The following MAP2K5 variants were observed in gnomAD, a reference collection of about 807,000 sequenced individuals.
The protein encoded by MAP2K5 is dual specificity mitogen-activated protein kinase kinase 5.
Under a neutral mutation model 83.1 loss-of-function variants are expected in MAP2K5, and 49 were observed. That is an observed-to-expected ratio of 0.59 (90% CI 0.47 to 0.75). The LOEUF (loss-of-function observed/expected upper bound fraction) is 0.75, where lower values mean the gene tolerates loss of function less well. MAP2K5 is among the 30% of genes least tolerant of loss of function. The pLI is 0.00. For synonymous variants in MAP2K5, 202 were observed against 191.8 expected, an observed-to-expected ratio of 1.05 and a Z score of -0.44; for missense variants, 457 against 557.5, an observed-to-expected ratio of 0.82 and a Z score of 1.82.
chr15:67,614,195 C>A lies in MAP2K5; in HGVS notation c.545+13446C>A, dbSNP rs567829440. Among the ~76,000 whole-genome samples the A allele has an allele frequency of 7.2e-5, 11 of 152,268 alleles. No individual in the cohort carries two copies. In the South Asian group the frequency reaches 2.3e-3, roughly 32 times the overall value. On this transcript the variant is annotated intron_variant, in intron 8 of 21. Coordinates refer to ENST00000178640, the MANE Select transcript of MAP2K5 (RefSeq NM_145160.3). ...AATCGTGAAGCATTCAGTAACCTCA[C>A]CAAGCCTTGGTTTCCTTGTCTATAA...
At chr15:67,763,313 G>C (rs2089984326) in intron 19 of MAP2K5, among the ~76,000 whole-genome samples, 2 of 152,022 alleles carry the variant, frequency 1.3e-5, no homozygotes, top group Non-Finnish European at 2.9e-5. Context: ...TAAACTCAAT[G>C]TTTTAACAAG....
intron 8 of MAP2K5, among the ~76,000 whole-genome samples, chr15:67,621,538 T>C (rs2086187572): frequency 6.6e-6 from 1 of 151,050 alleles, no homozygotes; most frequent in African/African-American, 2.4e-5. Context: ...AATATAGCAG[T>C]GAGAAGCAGA....
At chr15:67,635,331 C>T (rs993390544) in intron 9 of MAP2K5, among the ~76,000 whole-genome samples, 14 of 151,848 alleles carry the variant, frequency 9.2e-5, no homozygotes, top group Admixed American at 4.6e-4. Context: ...CCTGCCACCA[C>T]GCCCGGCTAA....
chr15:67,662,422 C>G (rs1376475182), intron 12 of MAP2K5, among the ~76,000 whole-genome samples: 1 of 152,150 alleles, frequency 6.6e-6, no homozygotes, highest in East Asian at 1.9e-4. Flanking sequence ...TCTTATAGTC[C>G]TGACTTACCC....
At chr15:67,734,357 A>G (rs374604228) in intron 17 of MAP2K5, among the ~76,000 whole-genome samples, 1 of 152,106 alleles carries the variant, frequency 6.6e-6, no homozygotes, top group African/African-American at 2.4e-5. Context: ...GAAACGTGCT[A>G]TTTTAATGTG....
intron 2 of MAP2K5, among the ~76,000 whole-genome samples, chr15:67,556,887 T>G (rs1254013431): frequency 6.6e-6 from 1 of 152,234 alleles, no homozygotes; most frequent in Non-Finnish European, 1.5e-5. Context: ...ATCTTCAGTT[T>G]ATTTTGGTGA....
chr15:67,784,257 C>T (rs1448638106), intron 21 of MAP2K5, among the ~76,000 whole-genome samples: 2 of 152,204 alleles, frequency 1.3e-5, no homozygotes, highest in Non-Finnish European at 2.9e-5. Flanking sequence ...ACAGGACTGT[C>T]CTACTGCACA....
chr15:67,778,209 C>T lies in MAP2K5; in HGVS notation c.1242+5457C>T, dbSNP rs1251036333. On this transcript the variant is annotated intron_variant, in intron 21 of 21. Coordinates refer to ENST00000178640, the MANE Select transcript of MAP2K5 (RefSeq NM_145160.3). This position sits in a 1 kb window ranked among gnomAD's most constrained non-coding sequence, Gnocchi z 5.0. ...TTAACTCCTCTAAATTAAATTGTCA[C>T]TGGTAGCTTTTCTGCTTTTCCAAAC... is the stretch of plus-strand genomic sequence containing the variant. Among the ~76,000 whole-genome samples the T allele has an allele frequency of 6.6e-6, 1 of 152,230 alleles. No individual in the cohort carries two copies. The highest frequency in any genetic ancestry group is 1.5e-5 in the Non-Finnish European group (1 of 68,046).
chr15:67,660,832 G>T (rs2087217819), intron 12 of MAP2K5, among the ~76,000 whole-genome samples: 1 of 148,534 alleles, frequency 6.7e-6, no homozygotes, highest in Non-Finnish European at 1.5e-5. Flanking sequence ...TCTGACACCA[G>T]ACCTCTTGCT....
chr15:67,572,274 G>A lies in MAP2K5; in HGVS notation c.253-8480G>A, dbSNP rs1439820068. ...GGGAGAGGGTGGGAGATGGGGCTTG[G>A]AGGAAGGTGGGTTAGACCATGGAGG... On this transcript the variant is annotated intron_variant, in intron 3 of 21. Transcript: ENST00000178640. The surrounding 1 kb of genome is among the most constrained non-coding windows in gnomAD (Gnocchi z 4.2). Among the ~76,000 whole-genome samples, 1 of 152,192 alleles carries A rather than the reference G, an allele frequency of 6.6e-6. No homozygotes were observed. Among genetic ancestry groups the A allele is most frequent in the African/African-American group, 2.4e-5 (1 of 41,434 alleles).
chr15:67,792,084 TG>T (rs2090528213), intron 21 of MAP2K5, among the ~76,000 whole-genome samples: 1 of 152,188 alleles, frequency 6.6e-6, no homozygotes, highest in African/African-American at 2.4e-5. Flanking sequence ...ACCTGCTCAA[TG>T]TGGACAGTAT....
intron 13 of MAP2K5, among the ~76,000 whole-genome samples, chr15:67,685,261 T>C (rs960703437): frequency 2.0e-5 from 3 of 152,198 alleles, no homozygotes; most frequent in African/African-American, 7.2e-5. Flanking sequence ...GCCGACTTCA[T>C]GTCACAAGCT....
At position 67,746,211 on chromosome 15, in the gene MAP2K5, G is replaced by A. The variant is rs1203287462; in HGVS notation, c.1075-2020G>A. ...TTAATCTGATTCACACAACTCATAT[G>A]TTTCTGGGGACAGTGTTTCATAATC... is the stretch of plus-strand genomic sequence containing the variant. On this transcript the variant is annotated intron_variant, in intron 17 of 21. Coordinates refer to ENST00000178640, the MANE Select transcript of MAP2K5 (RefSeq NM_145160.3). This position sits in a 1 kb window ranked among gnomAD's most constrained non-coding sequence, Gnocchi z 4.1. Among the ~76,000 whole-genome samples, 1 of 152,136 alleles carries A rather than the reference G, an allele frequency of 6.6e-6. No individual in the cohort carries two copies. Among genetic ancestry groups the A allele is most frequent in the South Asian group, 2.1e-4 (1 of 4,824 alleles).
At position 67,730,700 on chromosome 15, in the gene MAP2K5, T is replaced by C. The variant is rs995499283; in HGVS notation, c.1074+2755T>C. ...GAGAGCCTTTCATATATCCTTAAGA[T>C]CACATTGGTTTGATTGTTCCTAGGA... On this transcript the variant is annotated intron_variant, in intron 17 of 21. Coordinates refer to ENST00000178640, the MANE Select transcript of MAP2K5 (RefSeq NM_145160.3). 7.9e-5 allele frequency among the ~76,000 whole-genome samples: 12 copies of C among 152,318 alleles called. 2 individuals carry two copies. Among genetic ancestry groups the C allele is most frequent in the Admixed American group, 7.8e-4 (12 of 15,304 alleles).
intron 13 of MAP2K5, among the ~76,000 whole-genome samples, chr15:67,673,586 A>G (rs1420604661): frequency 2.0e-5 from 3 of 152,108 alleles, no homozygotes; most frequent in Non-Finnish European, 4.4e-5. Context: ...AAAAGTTGGG[A>G]TTTGGGGCAA....
Position 67,644,606 on chromosome 15 carries a change from C to A in MAP2K5, c.586-1625C>A, listed in dbSNP as rs1178366789. On this transcript the variant is annotated intron_variant, in intron 9 of 21. Coordinates refer to ENST00000178640, the MANE Select transcript of MAP2K5 (RefSeq NM_145160.3). This position sits in a 1 kb window ranked among gnomAD's most constrained non-coding sequence, Gnocchi z 4.6. Reference sequence around the variant, plus strand: ...TCAGTGATTGATATTTTAAATAAACCATAAAGTACTGAAAAGCCCATGAGA... The same window carrying A: ...TCAGTGATTGATATTTTAAATAAACAATAAAGTACTGAAAAGCCCATGAGA... 6.6e-6 allele frequency among the ~76,000 whole-genome samples: 1 copy of A among 151,382 alleles called. No individual in the cohort carries two copies. Among genetic ancestry groups the A allele is most frequent in the African/African-American group, 2.4e-5 (1 of 41,168 alleles).
In MAP2K5 at chr15:67,758,511, T is replaced by A. The variant is rs7162980; in HGVS notation, c.1134+9910T>A. ...TGAGTTTAACAACTAGACTCTAAGT[T>A]CCTAGACATTTTATTTCTGTCTTCC... is the stretch of plus-strand genomic sequence containing the variant. On this transcript the variant is annotated intron_variant, in intron 19 of 21. Coordinates refer to ENST00000178640, the MANE Select transcript of MAP2K5 (RefSeq NM_145160.3). The surrounding 1 kb of genome is among the most constrained non-coding windows in gnomAD (Gnocchi z 4.7). Among the ~76,000 whole-genome samples, 113,515 of 152,110 alleles carry A rather than the reference T, an allele frequency of 0.75. 42,570 individuals carry two copies. The highest frequency in any genetic ancestry group is 0.82 in the Middle Eastern group (241 of 294).
rs990638667 is a variant in MAP2K5 at position 67,689,019 on chromosome 15, A to G, written c.848-3460A>G. ...GGATACATTTAAAGATGTATAAAGTATACTCCTACCCTATGAACTTATTTC... is the reference window on the plus strand; with the variant it reads ...GGATACATTTAAAGATGTATAAAGTGTACTCCTACCCTATGAACTTATTTC... On this transcript the variant is annotated intron_variant, in intron 13 of 21. Transcript: ENST00000178640. 2.6e-5 allele frequency among the ~76,000 whole-genome samples: 4 copies of G among 152,226 alleles called. No homozygotes were observed. In the East Asian group the frequency reaches 5.8e-4, roughly 22 times the overall value.
chr15:67,673,238 T>A (rs1380319828), intron 13 of MAP2K5, among the ~76,000 whole-genome samples: 1 of 151,958 alleles, frequency 6.6e-6, no homozygotes, highest in Non-Finnish European at 1.5e-5. Context: ...CAATGGTAGA[T>A]CCACCGGAAG....
Sources: allele counts gnomAD v4.1 joint callset (sites outside exome capture counted in the v4.1 genomes callset), GRCh38; gene constraint gnomAD v4.1.1; non-coding constraint Gnocchi (gnomAD v3.1); transcripts MANE v1.5; gene names NCBI Gene and HGNC (gene_info 2026-07-23, HGNC 2026-07-21).